The following ANKRD33B variants were observed in gnomAD, a reference collection of about 807,000 sequenced individuals.
ANKRD33B encodes the protein ankyrin repeat domain 33B.
ANKRD33B carries 6 observed loss-of-function variants against 21.5 expected under a neutral mutation model. The ratio of observed to expected loss-of-function variants is 0.28; its 90% confidence interval spans 0.15 to 0.55. The LOEUF is 0.55. ANKRD33B is among the 20% of genes least tolerant of loss of function. The pLI, the probability that ANKRD33B is intolerant of heterozygous loss-of-function variation, is 0.94. For missense variants in ANKRD33B, 698 were observed against 747.2 expected (o/e 0.93, Z 0.77); for synonymous variants, 347 against 342.4 (o/e 1.01, Z -0.15).
In ANKRD33B at chr5:10,592,451, A is replaced by T. The variant is rs1406869301; in HGVS notation, c.367-25882A>T. Among the ~76,000 whole-genome samples, 8 of 17,210 alleles carry T rather than the reference A, an allele frequency of 4.6e-4. No individual in the cohort carries two copies. In the East Asian group the frequency reaches 7.8e-3, roughly 17 times the overall value. 11.3% of individuals were successfully genotyped at this position (17,210 alleles called of 152,430 possible). On this transcript the variant is annotated intron_variant, in intron 1 of 3. Transcript: ENST00000296657. ...AACATGGTGAAACCCCATCTCTACT[A>T]AAAAAAAAAAAAAAAAAAAAAAAAA...
chr5:10,565,692 C>T (rs1735033163), intron 1 of ANKRD33B, among the ~76,000 whole-genome samples: 1 of 152,258 alleles, frequency 6.6e-6, no homozygotes, highest in African/African-American at 2.4e-5. Flanking sequence ...GAAGGACTGG[C>T]TGGTGGAACA....
At chr5:10,575,422 C>CAAA (rs397780167) in intron 1 of ANKRD33B, among the ~76,000 whole-genome samples, 8 of 116,776 alleles carry the variant, frequency 6.9e-5, no homozygotes, top group African/African-American at 2.5e-4. Flanking sequence ...GAGACTGTCT[C>CAAA]AAAAAAAAAA....
At chr5:10,617,922 C>T (rs181901390) in intron 1 of ANKRD33B, among the ~76,000 whole-genome samples, 1 of 152,310 alleles carries the variant, frequency 6.6e-6, no homozygotes, top group African/African-American at 2.4e-5. Flanking sequence ...CCCAACATCA[C>T]CTCTGCCAAG....
At chr5:10,568,321 T>C (rs909343111) in intron 1 of ANKRD33B, among the ~76,000 whole-genome samples, 1 of 152,284 alleles carries the variant, frequency 6.6e-6, no homozygotes, top group Non-Finnish European at 1.5e-5. Context: ...CATAATTCTT[T>C]TTCTTAATTC....
chr5:10,591,773 A>G (rs936727577), intron 1 of ANKRD33B, among the ~76,000 whole-genome samples: 4 of 150,812 alleles, frequency 2.7e-5, no homozygotes, highest in Non-Finnish European at 4.4e-5. Flanking sequence ...GAAAAATTGT[A>G]CTCTTGGTGT....
chr5:10,594,221 CTTTTTTTTTTT>C (rs10658307), intron 1 of ANKRD33B, among the ~76,000 whole-genome samples: 3 of 83,160 alleles, frequency 3.6e-5, no homozygotes, highest in Admixed American at 1.7e-4. Context: ...ACACATCCTT[CTTTTTTTTTTT>C]TTTTTTTTTT....
intron 1 of ANKRD33B, among the ~76,000 whole-genome samples, chr5:10,596,607 A>G (rs1190138649): frequency 6.6e-6 from 1 of 152,194 alleles, no homozygotes; most frequent in African/African-American, 2.4e-5. Flanking sequence ...AATGGAACCA[A>G]TTTGGAAAAC....
intron 1 of ANKRD33B, among the ~76,000 whole-genome samples, chr5:10,613,353 C>T (rs1736214434): frequency 6.7e-6 from 1 of 150,358 alleles, no homozygotes; most frequent in Non-Finnish European, 1.5e-5. Flanking sequence ...GGCACGATCT[C>T]AGCTCACTGC....
chr5:10,570,455 G>A (rs1256012565), intron 1 of ANKRD33B, among the ~76,000 whole-genome samples: 1 of 152,152 alleles, frequency 6.6e-6, no homozygotes, highest in Non-Finnish European at 1.5e-5. Flanking sequence ...TCCATGGCAG[G>A]GGCAGGGTTC....
intron 2 of ANKRD33B, among the ~76,000 whole-genome samples, chr5:10,630,752 A>C (rs1320528772): frequency 1.3e-5 from 2 of 152,154 alleles, no homozygotes. Flanking sequence ...TCATGCCTAG[A>C]ATCCCAGCAC....
intron 1 of ANKRD33B, among the ~76,000 whole-genome samples, chr5:10,598,244 C>T (rs1210524170): frequency 2.0e-5 from 3 of 152,078 alleles, no homozygotes; most frequent in South Asian, 2.1e-4. Flanking sequence ...TGCCTTGTTG[C>T]GTTTTAACCA....
At chr5:10,618,496 C>T (rs375954265) in intron 2 of ANKRD33B, 34 bp downstream of exon 2, 526 of 1,495,280 alleles carry the variant, frequency 3.5e-4, no homozygotes, top group Non-Finnish European at 4.1e-4. Context: ...CTCTCAGAGC[C>T]GTGGCCAGAG....
chr5:10,644,295 C>T (rs955005194), intron 3 of ANKRD33B, among the ~76,000 whole-genome samples: 9 of 152,314 alleles, frequency 5.9e-5, no homozygotes, highest in South Asian at 4.1e-4. Context: ...TGCTGAAGAG[C>T]ATCACAAGGG....
chr5:10,650,351 C>G lies in ANKRD33B; in HGVS notation c.*238C>G, dbSNP rs1001714099. The G allele has an allele frequency of 2.8e-6, 1 of 351,914 alleles. No individual in the cohort carries two copies. Among genetic ancestry groups the G allele is most frequent in the African/African-American group, 2.1e-5 (1 of 46,902 alleles). The allele number at this position is 351,914 out of a possible 1,614,324, so 21.8% of individuals were successfully genotyped here. A position where few individuals can be genotyped will look rare whatever the true frequency, so the allele number is the denominator to read the frequency against. On this transcript the variant is annotated 3_prime_UTR_variant, in exon 4 of 4. Coordinates refer to ENST00000296657, the MANE Select transcript of ANKRD33B (RefSeq NM_001164440.2). The stretch of plus-strand genomic sequence containing the variant: ...TCAGTACACCTAGCGGGCACGTTGC[C>G]TAAAAGGCTCCCTTTAGAGAACCTC...
chr5:10,623,223 T>C (rs1736464973), intron 2 of ANKRD33B, among the ~76,000 whole-genome samples: 1 of 152,184 alleles, frequency 6.6e-6, no homozygotes, highest in Non-Finnish European at 1.5e-5. Context: ...AGCGTCCCCA[T>C]AGACCACCTC....
intron 1 of ANKRD33B, among the ~76,000 whole-genome samples, chr5:10,572,331 G>A (rs970619985): frequency 1.3e-5 from 2 of 152,170 alleles, no homozygotes; most frequent in Non-Finnish European, 2.9e-5. Flanking sequence ...TGTTAGGAGT[G>A]CAGAATCCCA....
At chr5:10,631,470 G>A (rs1422266578) in intron 2 of ANKRD33B, among the ~76,000 whole-genome samples, 1 of 152,202 alleles carries the variant, frequency 6.6e-6, no homozygotes, top group African/African-American at 2.4e-5. Context: ...GATTGACGAG[G>A]TTCATAAACT....
intron 2 of ANKRD33B, among the ~76,000 whole-genome samples, chr5:10,622,662 TC>T (rs1736445578): frequency 6.6e-6 from 1 of 152,208 alleles, no homozygotes; most frequent in Non-Finnish European, 1.5e-5. Context: ...TTAAATTGTT[TC>T]CTAGGCACTA....
At chr5:10,600,416 G>T (rs773443826) in intron 1 of ANKRD33B, among the ~76,000 whole-genome samples, 5 of 152,160 alleles carry the variant, frequency 3.3e-5, no homozygotes, top group Admixed American at 2.0e-4. Context: ...ATCCAGCAGC[G>T]TGCACTTTTT....
Sources: gnomAD v4.1 joint callset for allele counts (sites outside exome capture counted in the v4.1 genomes callset) on GRCh38, gnomAD v4.1.1 for gene constraint, MANE v1.5 for transcripts, NCBI Gene and HGNC (gene_info 2026-07-23, HGNC 2026-07-21) for gene names.